TEX9: variants seen among roughly 807,000 people sequenced by gnomAD.
TEX9 encodes testis expressed 9.
A neutral mutation model predicts 59.6 loss-of-function variants in TEX9; 74 were observed. The observed-to-expected ratio is 1.24, with a 90% CI of 1.03 to 1.51. TEX9 has a LOEUF of 1.51. Among genes scored for constraint, TEX9 ranks in the 40% most tolerant of loss-of-function variants. The pLI is 0.00. For synonymous variants in TEX9, 186 were observed against 152.2 expected (o/e 1.22, Z -1.64); for missense variants, 522 against 447.8 (o/e 1.17, Z -1.49).
chr15:56,283,891 A>G (rs374902327), intron 1 of TEX9, among the ~76,000 whole-genome samples: 245 of 152,322 alleles, frequency 1.6e-3, no homozygotes, highest in African/African-American at 5.7e-3. Context: ...GGATGAATTC[A>G]CAGAAAAGAA....
chr15:56,442,526 G>A (rs1174592173), intron 12 of TEX9, among the ~76,000 whole-genome samples: 1 of 152,026 alleles, frequency 6.6e-6, no homozygotes, highest in East Asian at 1.9e-4. Context: ...AATAAAATGT[G>A]GTACATGTAC....
intron 1 of TEX9, among the ~76,000 whole-genome samples, chr15:56,257,148 A>G (rs531678901): frequency 6.6e-6 from 1 of 152,170 alleles, no homozygotes; most frequent in South Asian, 2.1e-4. Flanking sequence ...ACAGTATTCC[A>G]TGGTGTATAT....
chr15:56,298,746 G>T (rs1358642761), intron 1 of TEX9, among the ~76,000 whole-genome samples: 1 of 151,946 alleles, frequency 6.6e-6, no homozygotes, highest in Admixed American at 6.6e-5. Flanking sequence ...CTTTTCAAAG[G>T]CCATTGTTGT....
chr15:56,263,210 A>G (rs1367442581), intron 1 of TEX9, among the ~76,000 whole-genome samples: 1 of 152,072 alleles, frequency 6.6e-6, no homozygotes, highest in East Asian at 1.9e-4. Flanking sequence ...TTTAGTAGAG[A>G]CAGGGTTTCT....
intron 12 of TEX9, chr15:56,444,602 T>C: frequency 3.7e-6 from 6 of 1,613,422 alleles, no homozygotes; most frequent in Non-Finnish European, 5.1e-6. Flanking sequence ...GTTTGTCTTC[T>C]GCAGCATTCT....
At chr15:56,354,072 T>A (rs553192984) in intron 1 of TEX9, among the ~76,000 whole-genome samples, 38 of 152,216 alleles carry the variant, frequency 2.5e-4, no homozygotes, top group Non-Finnish European at 4.8e-4. Context: ...ATTTGATTAT[T>A]TGTAATAATC....
intron 1 of TEX9, among the ~76,000 whole-genome samples, chr15:56,279,962 T>C (rs977252666): frequency 6.6e-6 from 1 of 152,192 alleles, no homozygotes; most frequent in African/African-American, 2.4e-5. Context: ...GTTCTTGCAA[T>C]ATTGGACAGC....
intron 6 of TEX9, 45 bp from the exon 7 acceptor site, chr15:56,391,198 T>C: frequency 7.7e-7 from 1 of 1,297,582 alleles, no homozygotes; most frequent in East Asian, 2.8e-5. Context: ...ATTTTGTTCA[T>C]ATGTACGTAT....
intron 1 of TEX9, among the ~76,000 whole-genome samples, chr15:56,257,735 C>T (rs1490742029): frequency 2.6e-5 from 4 of 151,806 alleles, no homozygotes; most frequent in Admixed American, 1.3e-4. Flanking sequence ...CCCATTCTGC[C>T]GGTTTTCTGT....
At chr15:56,244,761 A>G (rs1199195299) in intron 1 of TEX9, among the ~76,000 whole-genome samples, 2 of 151,922 alleles carry the variant, frequency 1.3e-5, no homozygotes, top group Non-Finnish European at 2.9e-5. Flanking sequence ...GTCAGCCACG[A>G]GCTCCTTCCT....
At chr15:56,391,210 T>TAC in intron 6 of TEX9, 33 bp from the exon 7 acceptor site, 1 of 1,443,196 alleles carries the variant, frequency 6.9e-7, no homozygotes, top group South Asian at 1.6e-5. Context: ...TGTACGTATA[T>TAC]ACATACATAT....
At chr15:56,443,927 A>G in intron 12 of TEX9, 1 of 1,158,022 alleles carries the variant, frequency 8.6e-7, no homozygotes, top group African/African-American at 1.6e-5. Flanking sequence ...TTTGTTCATA[A>G]TAATGTACAG....
chr15:56,256,653 A>T (rs1156758709), intron 1 of TEX9, among the ~76,000 whole-genome samples: 1 of 151,974 alleles, frequency 6.6e-6, no homozygotes, highest in Non-Finnish European at 1.5e-5. Context: ...CACCAAGGTT[A>T]AAAAAAGAGA....
chr15:56,337,490 C>T (rs1174353987), intron 1 of TEX9, among the ~76,000 whole-genome samples: 5 of 152,138 alleles, frequency 3.3e-5, no homozygotes, highest in African/African-American at 9.7e-5. Flanking sequence ...TGCAAGCAAC[C>T]GTAACTGGGG....
intron 2 of TEX9, among the ~76,000 whole-genome samples, chr15:56,366,195 A>C (rs1596121819): frequency 6.6e-6 from 1 of 151,714 alleles, no homozygotes; most frequent in East Asian, 1.9e-4. Flanking sequence ...GGCCCATTCT[A>C]CTCCTCATCC....
chr15:56,376,759 G>A (rs1442644224), intron 3 of TEX9, among the ~76,000 whole-genome samples: 9 of 151,998 alleles, frequency 5.9e-5, no homozygotes, highest in African/African-American at 2.2e-4. Flanking sequence ...AACTTTATGT[G>A]ATCCCATTTG....
intron 1 of TEX9, among the ~76,000 whole-genome samples, chr15:56,349,326 C>G (rs2046531055): frequency 1.3e-5 from 2 of 152,244 alleles, no homozygotes; most frequent in South Asian, 4.1e-4. Context: ...GGAAACAGCT[C>G]AAATCTAATA....
intron 1 of TEX9, among the ~76,000 whole-genome samples, chr15:56,260,867 A>G (rs1312021883): frequency 6.6e-6 from 1 of 151,988 alleles, no homozygotes; most frequent in East Asian, 1.9e-4. Context: ...AATATATCGA[A>G]GCTCAAATTT....
At chr15:56,329,455 C>A (rs188386870) in intron 1 of TEX9, among the ~76,000 whole-genome samples, 1 of 151,884 alleles carries the variant, frequency 6.6e-6, no homozygotes, top group Non-Finnish European at 1.5e-5. Context: ...AATTTAGTTC[C>A]GGGATAAATC....
Sources: gnomAD v4.1 joint callset for allele counts (sites outside exome capture counted in the v4.1 genomes callset) on GRCh38, gnomAD v4.1.1 for gene constraint, MANE v1.5 for transcripts, NCBI Gene and HGNC (gene_info 2026-07-23, HGNC 2026-07-21) for gene names.